Variants in NEK2 observed in about 807,000 individuals in gnomAD.
The protein encoded by NEK2 is serine/threonine-protein kinase Nek2.
A neutral mutation model predicts 54.1 loss-of-function variants in NEK2; 28 were observed. The observed-to-expected ratio is 0.52, with a 90% CI of 0.38 to 0.71. The LOEUF is 0.71. Among genes scored for constraint, NEK2 ranks in the 30% least tolerant of loss-of-function variants. The pLI, the probability that NEK2 is intolerant of heterozygous loss-of-function variation, is 0.00. For synonymous variants in NEK2, 176 were observed against 193.1 expected (o/e 0.91, Z 0.73); for missense variants, 407 against 531.5 (o/e 0.77, Z 2.30).
rs377239538 is a variant in NEK2 at position 211,673,735 on chromosome 1, G to A, written c.315-12C>T. 3.1e-6 allele frequency: 5 copies of A among 1,613,412 alleles called. No individual in the cohort carries two copies. In the East Asian group the frequency reaches 8.9e-5, roughly 29 times the overall value. ...CATCTAAGTATTGCCTAAAACCAAAGCAGTTATACAGCATATAACTTCTAA... is the reference window on the plus strand; with the variant it reads ...CATCTAAGTATTGCCTAAAACCAAAACAGTTATACAGCATATAACTTCTAA... On this transcript the variant is annotated splice_polypyrimidine_tract_variant and intron_variant, in intron 2 of 7. Transcript: ENST00000366999.
At chr1:211,658,888 C>G (rs1004161210), downstream of NEK2, among the ~76,000 whole-genome samples, 1 of 152,012 alleles carries the variant, frequency 6.6e-6, no homozygotes, top group Admixed American at 6.6e-5. Flanking sequence ...TGAGATCTAT[C>G]AAAAACAGGA....
At chr1:211,658,588 G>C (rs1270027751), downstream of NEK2, 1 of 446,172 alleles carries the variant, frequency 2.2e-6, no homozygotes, top group Non-Finnish European at 4.5e-6. Context: ...AGACCATCCT[G>C]GGCAAAACAG....
chr1:211,675,261 A>G (rs546329336), intron 1 of NEK2, 123 bp downstream of exon 1: 38 of 815,430 alleles, frequency 4.7e-5, no homozygotes, highest in Admixed American at 1.1e-4. Flanking sequence ...CCCAGGAAAG[A>G]CGGTTTAGTC....
intron 7 of NEK2, chr1:211,666,860 T>C: frequency 8.3e-7 from 1 of 1,211,956 alleles, no homozygotes; most frequent in Non-Finnish European, 1.0e-6. Context: ...AACATGTAGT[T>C]TGATAAGGTA....
At chr1:211,663,797 A>AG (rs1655091826) in intron 7 of NEK2, 145 bp from the exon 8 acceptor site, 2 of 747,518 alleles carry the variant, frequency 2.7e-6, no homozygotes, top group South Asian at 3.8e-5. Context: ...ATAGGAGGTT[A>AG]GGGGTGTAGG....
chr1:211,659,308 G>T (rs1166413508), downstream of NEK2, among the ~76,000 whole-genome samples: 1 of 152,078 alleles, frequency 6.6e-6, no homozygotes, highest in Non-Finnish European at 1.5e-5. Flanking sequence ...GTCCATAAGA[G>T]CTGGCCAACC....
chr1:211,659,638 G>C (rs1303394592), downstream of NEK2, among the ~76,000 whole-genome samples: 1 of 152,164 alleles, frequency 6.6e-6, no homozygotes, highest in Non-Finnish European at 1.5e-5. Flanking sequence ...ATCCTACCAT[G>C]TACATATTTA....
At chr1:211,664,052 T>C (rs1655098005) in intron 7 of NEK2, among the ~76,000 whole-genome samples, 2 of 144,750 alleles carry the variant, frequency 1.4e-5, no homozygotes, top group South Asian at 4.3e-4. Flanking sequence ...AGAGGTTTTT[T>C]TCTGTCTTTG....
intron 1 of NEK2, 83 bp downstream of exon 1, chr1:211,675,301 G>C: frequency 8.1e-7 from 1 of 1,241,204 alleles, no homozygotes; most frequent in Non-Finnish European, 1.2e-6. Context: ...CAGCCCTGTC[G>C]GTTCCCTTCG....
chr1:211,671,409 T>C (rs1181147343), intron 3 of NEK2, 125 bp from the exon 4 acceptor site: 3 of 633,666 alleles, frequency 4.7e-6, no homozygotes, highest in African/African-American at 3.7e-5. Flanking sequence ...GCTTATACTT[T>C]ATCTTGAAAT....
Position 211,675,524 on chromosome 1 carries a change from C to T in NEK2, c.-45G>A. 2 of 1,546,010 alleles carry T rather than the reference C, an allele frequency of 1.3e-6. No homozygotes were observed. The highest frequency in any genetic ancestry group is 1.8e-6 in the Non-Finnish European group (2 of 1,120,572). On this transcript the variant is annotated 5_prime_UTR_variant, in exon 1 of 8. Coordinates refer to ENST00000366999, the MANE Select transcript of NEK2 (RefSeq NM_002497.4). Reference sequence around the variant, plus strand: ...TCGCGCTGCCTCACGCAGGTTGCGCCGCCAAGTGCGGAGCTCCAGGGACCA... The same window carrying T: ...TCGCGCTGCCTCACGCAGGTTGCGCTGCCAAGTGCGGAGCTCCAGGGACCA...
chr1:211,675,166 G>A (rs541954709), intron 1 of NEK2, among the ~76,000 whole-genome samples: 10 of 152,334 alleles, frequency 6.6e-5, no homozygotes, highest in African/African-American at 2.4e-4. Context: ...AATGGGGAGA[G>A]AAACGGGAAA....
chr1:211,674,155 C>A, intron 2 of NEK2, 141 bp downstream of exon 2: 1 of 660,452 alleles, frequency 1.5e-6, no homozygotes, highest in Non-Finnish European at 2.5e-6. Flanking sequence ...GGTGTTGATT[C>A]ACCAGGAATT....
At position 211,675,567 on chromosome 1, in the gene NEK2, G is replaced by A. The variant is rs1438248164; in HGVS notation, c.-88C>T. 9.0e-7 allele frequency: 1 copy of A among 1,106,434 alleles called. No individual in the cohort carries two copies. Among genetic ancestry groups the A allele is most frequent in the Non-Finnish European group, 1.4e-6 (1 of 732,762 alleles). 68.5% of individuals were successfully genotyped at this position (1,106,434 alleles called of 1,614,324 possible). On this transcript the variant is annotated 5_prime_UTR_variant, in exon 1 of 8. Transcript: ENST00000366999. ...AGGGACCAGGAACTCCAGGGACCTGGATGGAGAAGCCCCCGAGCAGCACTG... is the reference window on the plus strand; with the variant it reads ...AGGGACCAGGAACTCCAGGGACCTGAATGGAGAAGCCCCCGAGCAGCACTG...
chr1:211,675,617 C>A lies in NEK2; in HGVS notation c.-138G>T, dbSNP rs183082152. ...GACCCGCCACCCCTGCCTTGGGCCC[C>A]GTTTAACCGTCGCGGGCCCTGATCT... On this transcript the variant is annotated 5_prime_UTR_variant, in exon 1 of 8. Transcript: ENST00000366999. 5.4e-5 allele frequency: 35 copies of A among 652,426 alleles called. No homozygotes were observed. In the East Asian group the frequency reaches 6.0e-4, roughly 11 times the overall value. 40.4% of individuals were successfully genotyped at this position (652,426 alleles called of 1,614,324 possible). A position where few individuals can be genotyped will look rare whatever the true frequency, so the allele number is the denominator to read the frequency against.
In NEK2 at chr1:211,671,225, C is replaced by T. The variant is rs1260809320; in HGVS notation, c.615G>A (p.Leu205=). The T allele has an allele frequency of 6.2e-7, 1 of 1,613,324 alleles. No homozygotes were observed. Among genetic ancestry groups the T allele is most frequent in the South Asian group, 1.1e-5 (1 of 91,052 alleles). Reference sequence around the variant, plus strand: ...ACATTAATGCACATAACTCATACAGCAAGCAGCCCAATGACCAGATATCTG... The same window carrying T: ...ACATTAATGCACATAACTCATACAGTAAGCAGCCCAATGACCAGATATCTG... ...EKSDIWSLGC[L]LYELCALMPP... is the part of the protein sequence containing the mutation. Residue 205 remains leucine, a synonymous_variant, in exon 4 of 8, where the codon TTG becomes TTA. Transcript: ENST00000366999.
rs1655180252 is a variant in NEK2, at chr1:211,666,440, C to G, written c.1111+666G>C. On this transcript the variant is annotated intron_variant, in intron 7 of 7. Transcript: ENST00000366999. The stretch of plus-strand genomic sequence containing the variant: ...GGCAATATTAAAATGTTTATTTTTA[C>G]TTGAAATGCAGTTTATCTCTCTGAA... 9 of 917,118 alleles carry G rather than the reference C, an allele frequency of 9.8e-6. No individual in the cohort carries two copies. In the South Asian group the frequency reaches 4.5e-4, roughly 46 times the overall value. 56.8% of individuals were successfully genotyped at this position (917,118 alleles called of 1,614,324 possible).
At chr1:211,671,675 T>A (rs1273792620) in intron 3 of NEK2, among the ~76,000 whole-genome samples, 1 of 152,228 alleles carries the variant, frequency 6.6e-6, no homozygotes, top group East Asian at 1.9e-4. Context: ...GCTAATTGAA[T>A]TATCCATTTA....
chr1:211,666,994 A>G, intron 7 of NEK2, 112 bp downstream of exon 7: 1 of 1,532,264 alleles, frequency 6.5e-7, no homozygotes, highest in Non-Finnish European at 8.7e-7. Context: ...ATCCATCTTA[A>G]AATTTGAGAT....
Sources: gnomAD v4.1 joint callset for allele counts (sites outside exome capture counted in the v4.1 genomes callset) on GRCh38, gnomAD v4.1.1 for gene constraint, MANE v1.5 for transcripts, NCBI Gene and HGNC (gene_info 2026-07-23, HGNC 2026-07-21) for gene names.